Variants in ZBTB41 observed in about 807,000 individuals in gnomAD.
ZBTB41 encodes zinc finger and BTB domain-containing protein 41.
In ZBTB41, 42 loss-of-function variants were observed where a neutral mutation model predicts 87.6. That is an observed-to-expected ratio of 0.48 (90% confidence interval 0.37 to 0.62). The LOEUF (loss-of-function observed/expected upper bound fraction) is 0.62. Ranked by LOEUF, ZBTB41 falls within the 20% of genes least tolerant of loss-of-function variation. The probability of loss-of-function intolerance (pLI) is 0.00; values close to 1 mark genes in which losing one functional copy is unlikely to be tolerated. For missense variants in ZBTB41, 799 were observed against 1,078.9 expected (o/e 0.74, Z 3.63); for synonymous variants, 364 against 364.0 (o/e 1.00, Z 0.00).
intron 2 of ZBTB41, among the ~76,000 whole-genome samples, chr1:197,192,484 C>G (rs952466204): frequency 1.3e-5 from 2 of 152,136 alleles, no homozygotes; most frequent in Admixed American, 1.3e-4. Flanking sequence ...AATGCACTTA[C>G]AACAGTGTCG....
chr1:197,200,965 T>C (rs1652768011), intron 1 of ZBTB41, among the ~76,000 whole-genome samples: 1 of 151,780 alleles, frequency 6.6e-6, no homozygotes, highest in Non-Finnish European at 1.5e-5. Flanking sequence ...GAGATCCGAG[T>C]CTCTCCATTA....
intron 10 of ZBTB41, among the ~76,000 whole-genome samples, chr1:197,167,532 G>A (rs1659378684): frequency 6.6e-6 from 1 of 151,952 alleles, no homozygotes; most frequent in Non-Finnish European, 1.5e-5. Context: ...AATACACCAT[G>A]AACAGGATAA....
intron 3 of ZBTB41, 39 bp from the exon 4 acceptor site, chr1:197,190,870 A>G (rs766140220): frequency 7.6e-7 from 1 of 1,322,584 alleles, no homozygotes; most frequent in East Asian, 2.4e-5. Flanking sequence ...GGAAAAGGTT[A>G]TATTAGTTAA....
intron 2 of ZBTB41, among the ~76,000 whole-genome samples, chr1:197,195,897 T>C (rs1557988264): frequency 6.6e-6 from 1 of 152,152 alleles, no homozygotes; most frequent in Non-Finnish European, 1.5e-5. Flanking sequence ...ATCAAATTAG[T>C]AGATTACTTA....
chr1:197,163,985 G>C (rs1659258276), intron 10 of ZBTB41, among the ~76,000 whole-genome samples: 1 of 151,800 alleles, frequency 6.6e-6, no homozygotes, highest in Non-Finnish European at 1.5e-5. Context: ...AATGACTCCA[G>C]GTGGAAGAAC....
rs569899818 is a variant in ZBTB41, at chr1:197,155,254, A to C, written c.*4105T>G. ...TTTAAAATGATATATAAATCATAAA[A>C]ACAAATATTCACACTAACACTTAGT... On this transcript the variant is annotated 3_prime_UTR_variant, in exon 11 of 11. Coordinates refer to ENST00000367405, the MANE Select transcript of ZBTB41 (RefSeq NM_194314.3). The C allele has an allele frequency of 6.6e-6, 1 of 152,496 alleles. No homozygotes were observed. The highest frequency in any genetic ancestry group is 2.4e-5 in the African/African-American group (1 of 41,542). The allele number at this position is 152,496 out of a possible 1,614,324, so 9.4% of individuals were successfully genotyped here. A position where few individuals can be genotyped will look rare whatever the true frequency, so the allele number is the denominator to read the frequency against.
chr1:197,167,173 T>C (rs546855299), intron 10 of ZBTB41, among the ~76,000 whole-genome samples: 37 of 152,182 alleles, frequency 2.4e-4, no homozygotes, highest in South Asian at 1.5e-3. Context: ...TATGTATGTG[T>C]ATGTCTGTAT....
intron 2 of ZBTB41, among the ~76,000 whole-genome samples, chr1:197,193,571 C>T (rs771131662): frequency 6.6e-6 from 1 of 152,216 alleles, no homozygotes; most frequent in South Asian, 2.1e-4. Flanking sequence ...GGTTTCAGCT[C>T]TCTGATAACA....
intron 4 of ZBTB41, among the ~76,000 whole-genome samples, chr1:197,190,454 G>A (rs998916851): frequency 1.6e-4 from 24 of 152,180 alleles, no homozygotes; most frequent in African/African-American, 4.8e-4. Flanking sequence ...AGAAATGGGG[G>A]AGAAAGTCTA....
At chr1:197,190,927 T>C in intron 3 of ZBTB41, 96 bp from the exon 4 acceptor site, 1 of 726,128 alleles carries the variant, frequency 1.4e-6, no homozygotes, top group East Asian at 3.1e-5. Flanking sequence ...CAGGATCAAG[T>C]ACTGATTCCT....
intron 8 of ZBTB41, among the ~76,000 whole-genome samples, chr1:197,175,555 T>C (rs918070867): frequency 6.6e-6 from 1 of 150,432 alleles, no homozygotes; most frequent in Non-Finnish European, 1.5e-5. Flanking sequence ...TACTTTACTT[T>C]TAGAAGATTT....
Position 197,199,487 on chromosome 1 carries a change from A to G in ZBTB41, c.987T>C (p.Asn329=), listed in dbSNP as rs1660247642. The G allele has an allele frequency of 6.2e-7, 1 of 1,613,142 alleles. No homozygotes were observed. The highest frequency in any genetic ancestry group is 8.5e-7 in the Non-Finnish European group (1 of 1,179,766). Residue 329 remains asparagine, a synonymous_variant, in exon 2 of 11, where the codon AAT becomes AAC. Transcript: ENST00000367405. The part of the protein sequence containing the change: ...DIEEQSEKDH[N]DAEEEPEAGD... Reference sequence around the variant, plus strand: ...CAGCCTCAGGTTCTTCTTCTGCATCATTATGATCCTTTTCACTTTGTTCTT... The same window carrying G: ...CAGCCTCAGGTTCTTCTTCTGCATCGTTATGATCCTTTTCACTTTGTTCTT...
chr1:197,154,520 CCTT>C lies in ZBTB41; in HGVS notation c.*4836_*4838del, dbSNP rs1659021804. The C allele has an allele frequency of 6.6e-6, 1 of 152,002 alleles. No homozygotes were observed. Among genetic ancestry groups the C allele is most frequent in the Non-Finnish European group, 1.5e-5 (1 of 67,924 alleles). The allele number at this position is 152,002 out of a possible 1,614,324, so 9.4% of individuals were successfully genotyped here. The stretch of plus-strand genomic sequence containing the variant: ...AACATAAGCACTCTCTCTACAAAAA[CCTT>C]CTTTTTCTCATCTTCCACACATCTT... On this transcript the variant is annotated 3_prime_UTR_variant, in exon 11 of 11. Coordinates refer to ENST00000367405, the MANE Select transcript of ZBTB41 (RefSeq NM_194314.3).
chr1:197,191,666 T>C (rs978523643), intron 3 of ZBTB41, 26 bp downstream of exon 3: 4 of 1,583,450 alleles, frequency 2.5e-6, no homozygotes, highest in East Asian at 2.2e-5. Flanking sequence ...CAATAAAGTA[T>C]ATTATGGAAG....
chr1:197,199,395 A>AT lies in ZBTB41; in HGVS notation c.1078dup (p.Ile360AsnfsTer6). Reference sequence around the variant, plus strand: ...TTTATCACATTTAGGACACTGCAATATTTTTTTGTTGCTGTTCTGAATGAC... The same window carrying AT: ...TTTATCACATTTAGGACACTGCAATATTTTTTTTGTTGCTGTTCTGAATGAC... On this transcript the variant is annotated frameshift_variant, in exon 2 of 11. Coordinates refer to ENST00000367405, the MANE Select transcript of ZBTB41 (RefSeq NM_194314.3). LOFTEE classifies it high-confidence loss of function. 1.9e-6 allele frequency: 3 copies of AT among 1,584,252 alleles called. No individual in the cohort carries two copies. Among genetic ancestry groups the AT allele is most frequent in the Admixed American group, 1.9e-5 (1 of 52,144 alleles).
rs145306524 is a variant in ZBTB41, at chr1:197,193,133, T to C, written c.1121-1234A>G. 3.9e-3 allele frequency among the ~76,000 whole-genome samples: 590 copies of C among 152,246 alleles called. 2 individuals are homozygous for C. The highest frequency in any genetic ancestry group is 0.014 in the African/African-American group (562 of 41,570). On this transcript the variant is annotated intron_variant, in intron 2 of 10. Transcript: ENST00000367405. ...ATATTTAGGCATCTCCTAAATTAGT[T>C]GCGCGATTTTAATCAAGCTAATAAT...
intron 2 of ZBTB41, among the ~76,000 whole-genome samples, chr1:197,194,413 T>C (rs1310988730): frequency 6.6e-6 from 1 of 152,172 alleles, no homozygotes; most frequent in Non-Finnish European, 1.5e-5. Flanking sequence ...AAAATGTCTT[T>C]GCTGAAAAGA....
At chr1:197,187,388 C>G (rs1179802031) in intron 5 of ZBTB41, among the ~76,000 whole-genome samples, 3 of 152,156 alleles carry the variant, frequency 2.0e-5, no homozygotes, top group South Asian at 4.1e-4. Context: ...GGGACTGGTT[C>G]CAGGATGGCC....
At chr1:197,165,875 T>C (rs1320504945) in intron 10 of ZBTB41, among the ~76,000 whole-genome samples, 4 of 152,318 alleles carry the variant, frequency 2.6e-5, no homozygotes, top group African/African-American at 9.6e-5. Flanking sequence ...AGGTGATTTC[T>C]GCATTTCCAA....
Sources: allele counts gnomAD v4.1 joint callset (sites outside exome capture counted in the v4.1 genomes callset), GRCh38; gene constraint gnomAD v4.1.1; transcripts MANE v1.5; gene names NCBI Gene and HGNC (gene_info 2026-07-23, HGNC 2026-07-21).